The following SGCD variants were observed in gnomAD, a reference collection of about 807,000 sequenced individuals.
SGCD encodes the protein sarcoglycan delta.
In SGCD, 18 loss-of-function variants were observed where a neutral mutation model predicts 36.6. The ratio of observed to expected loss-of-function variants is 0.49; its 90% CI spans 0.34 to 0.73. The LOEUF (loss-of-function observed/expected upper bound fraction) is 0.73. Ranked by LOEUF, SGCD falls within the 30% of genes least tolerant of loss-of-function variation. The pLI, the probability that SGCD is intolerant of heterozygous loss-of-function variation, is 0.01. For synonymous variants in SGCD, 133 were observed against 130.6 expected, an observed-to-expected ratio of 1.02 and a Z score of -0.12; for missense variants, 387 against 346.7, an observed-to-expected ratio of 1.12 and a Z score of -0.92.
At chr5:156,753,360 G>A (rs1757220098) in intron 7 of SGCD, among the ~76,000 whole-genome samples, 1 of 152,150 alleles carries the variant, frequency 6.6e-6, no homozygotes, top group South Asian at 2.1e-4. Context: ...CCAAGAGTCA[G>A]CAGGACCCTT....
At chr5:156,276,476 C>T (rs777301016) in intron 3 of SGCD, among the ~76,000 whole-genome samples, 5 of 152,166 alleles carry the variant, frequency 3.3e-5, no homozygotes, top group Non-Finnish European at 7.3e-5. Flanking sequence ...TCTCCAGTAG[C>T]CCTTCAGTGC....
chr5:156,232,830 G>A (rs1236926490), intron 3 of SGCD, among the ~76,000 whole-genome samples: 1 of 152,128 alleles, frequency 6.6e-6, no homozygotes, highest in Non-Finnish European at 1.5e-5. Context: ...AGTTCCTGCT[G>A]TACATTCCCC....
chr5:156,114,365 G>A (rs1185318952), intron 1 of SGCD, among the ~76,000 whole-genome samples: 1 of 151,972 alleles, frequency 6.6e-6, no homozygotes, highest in Non-Finnish European at 1.5e-5. Context: ...TCCATCACAG[G>A]TACCCTCACG....
At chr5:156,742,043 T>G (rs1756703968) in intron 7 of SGCD, among the ~76,000 whole-genome samples, 1 of 152,026 alleles carries the variant, frequency 6.6e-6, no homozygotes, top group African/African-American at 2.4e-5. Flanking sequence ...GCCTGGCTAA[T>G]TTTTTGTATT....
At chr5:156,195,481 A>T (rs779819692) in intron 3 of SGCD, among the ~76,000 whole-genome samples, 1 of 152,166 alleles carries the variant, frequency 6.6e-6, no homozygotes, top group East Asian at 1.9e-4. Flanking sequence ...GAAAATTGTG[A>T]TGAGTTATTT....
Position 156,702,153 on chromosome 5 carries a change from A to AG in SGCD, c.575+54617_575+54618insG, listed in dbSNP as rs1754552440. 2.0e-5 allele frequency among the ~76,000 whole-genome samples: 3 copies of AG among 152,288 alleles called. No individual in the cohort carries two copies. In the South Asian group the frequency reaches 6.2e-4, roughly 32 times the overall value. On this transcript the variant is annotated intron_variant, in intron 7 of 8. Transcript: ENST00000337851. ...TCCTTCTCTGGGTCTATATGCATTT[A>AG]TGCTGGTATTACAGGATGCAATTGA...
the SGCD span, among the ~76,000 whole-genome samples, chr5:155,822,847 T>C: frequency 2.6e-5 from 4 of 152,306 alleles, no homozygotes; most frequent in South Asian, 6.2e-4. Context: ...TGAAAAGTTA[T>C]AGAATAGTGC....
intron 6 of SGCD, among the ~76,000 whole-genome samples, chr5:156,639,400 A>G (rs1360599943): frequency 6.6e-6 from 1 of 152,156 alleles, no homozygotes; most frequent in Non-Finnish European, 1.5e-5. Flanking sequence ...GAACCCAAAC[A>G]TCCACATTAT....
the SGCD span, among the ~76,000 whole-genome samples, chr5:155,806,157 C>CT: frequency 4.1e-5 from 6 of 146,320 alleles, no homozygotes; most frequent in Non-Finnish European, 9.1e-5. Flanking sequence ...ATTTTCTTTT[C>CT]TTTTTTGGGG....
chr5:155,775,374 T>C, the SGCD span, among the ~76,000 whole-genome samples: 23 of 152,198 alleles, frequency 1.5e-4, no homozygotes, highest in African/African-American at 4.8e-4. Context: ...GCTTTGCATG[T>C]ATTAACTTTT....
At chr5:156,357,557 T>A (rs1769555016) in intron 3 of SGCD, among the ~76,000 whole-genome samples, 1 of 152,230 alleles carries the variant, frequency 6.6e-6, no homozygotes, top group Non-Finnish European at 1.5e-5. Flanking sequence ...TCAAGCGGTT[T>A]TATTCTCATG....
At chr5:156,212,245 A>G (rs371882718) in intron 3 of SGCD, among the ~76,000 whole-genome samples, 29 of 152,340 alleles carry the variant, frequency 1.9e-4, no homozygotes, top group African/African-American at 6.0e-4. Context: ...AAAGATCTAA[A>G]TGTATGCCAT....
At chr5:156,035,817 A>G (rs1340866072) in intron 1 of SGCD, among the ~76,000 whole-genome samples, 1 of 152,178 alleles carries the variant, frequency 6.6e-6, no homozygotes, top group Non-Finnish European at 1.5e-5. Context: ...AGATCAGAGA[A>G]GGAACACAAA....
the SGCD span, among the ~76,000 whole-genome samples, chr5:155,801,942 C>A: frequency 2.0e-5 from 3 of 152,138 alleles, no homozygotes; most frequent in Non-Finnish European, 4.4e-5. Flanking sequence ...TCTGTGTCAC[C>A]CATAACCCTC....
intron 6 of SGCD, among the ~76,000 whole-genome samples, chr5:156,643,216 G>C (rs901430128): frequency 2.6e-5 from 4 of 151,898 alleles, no homozygotes; most frequent in African/African-American, 9.7e-5. Context: ...ATTTTCAGTA[G>C]AGATGGGATT....
At chr5:156,394,850 G>A (rs1771765241) in intron 3 of SGCD, among the ~76,000 whole-genome samples, 1 of 152,162 alleles carries the variant, frequency 6.6e-6, no homozygotes, top group Non-Finnish European at 1.5e-5. Context: ...GAACATGTTG[G>A]GTAAGTTATT....
chr5:156,569,570 C>G (rs1007919532), intron 4 of SGCD, among the ~76,000 whole-genome samples: 1 of 148,288 alleles, frequency 6.7e-6, no homozygotes, highest in Non-Finnish European at 1.5e-5. Context: ...CCAGCCTGGG[C>G]GACAGAGTGC....
intron 1 of SGCD, among the ~76,000 whole-genome samples, chr5:155,933,565 T>G (rs1204804248): frequency 1.3e-5 from 2 of 152,228 alleles, no homozygotes; most frequent in African/African-American, 4.8e-5. Context: ...TGAATGAATC[T>G]CATTCTTACT....
intron 3 of SGCD, among the ~76,000 whole-genome samples, chr5:156,402,932 A>G (rs985647651): frequency 3.3e-5 from 5 of 152,176 alleles, no homozygotes; most frequent in Non-Finnish European, 7.4e-5. Context: ...GTAATTCTAC[A>G]TTTAATTTTT....
Sources: allele counts gnomAD v4.1 joint callset (sites outside exome capture counted in the v4.1 genomes callset), GRCh38; gene constraint gnomAD v4.1.1; transcripts MANE v1.5; gene names NCBI Gene and HGNC (gene_info 2026-07-23, HGNC 2026-07-21).